The following EYA3 variants were observed in gnomAD, a reference collection of about 807,000 sequenced individuals.
EYA3 encodes protein phosphatase EYA3.
EYA3 carries 39 observed loss-of-function variants against 80.0 expected under a neutral mutation model. The ratio of observed to expected loss-of-function variants is 0.49; its 90% confidence interval spans 0.38 to 0.64. EYA3 has a LOEUF of 0.64. Among genes scored for constraint, EYA3 ranks in the 30% least tolerant of loss-of-function variants. EYA3 has a pLI of 0.00. For missense variants in EYA3, 523 were observed against 676.1 expected (o/e 0.77, Z 2.51); for synonymous variants, 206 against 232.8 (o/e 0.88, Z 1.05).
intron 13 of EYA3, 106 bp from the exon 14 acceptor site, chr1:27,993,666 T>TTTAA (rs1640228849): frequency 1.2e-6 from 1 of 862,908 alleles, no homozygotes; most frequent in East Asian, 2.9e-5. Context: ...GGCCAATGGC[T>TTTAA]TTAAGGATCT....
At chr1:28,043,489 C>T (rs1643892499) in intron 3 of EYA3, among the ~76,000 whole-genome samples, 1 of 152,166 alleles carries the variant, frequency 6.6e-6, no homozygotes, top group African/African-American at 2.4e-5. Flanking sequence ...CGTTTGATTT[C>T]AGACAGTGGT....
chr1:28,063,558 G>A (rs532351137), intron 1 of EYA3, among the ~76,000 whole-genome samples: 1 of 151,932 alleles, frequency 6.6e-6, no homozygotes, highest in African/African-American at 2.4e-5. Flanking sequence ...ATGTTGGCCA[G>A]GATGGTCCCA....
At chr1:28,019,292 C>T (rs1642272484) in intron 7 of EYA3, among the ~76,000 whole-genome samples, 1 of 152,188 alleles carries the variant, frequency 6.6e-6, no homozygotes, top group Non-Finnish European at 1.5e-5. Flanking sequence ...GCTTACTTTC[C>T]TAAACATAAC....
rs28755400 is a variant in EYA3, at chr1:28,008,364, A to T, written c.909+2583T>A. 7.9e-3 allele frequency among the ~76,000 whole-genome samples: 1,205 copies of T among 152,220 alleles called. 15 individuals carry two copies. Among genetic ancestry groups the T allele is most frequent in the African/African-American group, 0.027 (1,114 of 41,554 alleles). The stretch of plus-strand genomic sequence containing the variant: ...GAAAAAATACATAAAAATCTTCATA[A>T]CCGTGTATTAAGTATTACACCAAGA... On this transcript the variant is annotated intron_variant, in intron 10 of 17. Transcript: ENST00000373871.
rs1198815384 is a variant in EYA3 at position 28,008,384 on chromosome 1, C to T, written c.909+2563G>A. Among the ~76,000 whole-genome samples, 5 of 151,362 alleles carry T rather than the reference C, an allele frequency of 3.3e-5. No homozygotes were observed. In the East Asian group the frequency reaches 9.7e-4, roughly 29 times the overall value. On this transcript the variant is annotated intron_variant, in intron 10 of 17. Coordinates refer to ENST00000373871, the MANE Select transcript of EYA3 (RefSeq NM_001990.4). ...TCATAACCGTGTATTAAGTATTACACCAAGAAAACAAAACAAAACAAAAAG... is the reference window on the plus strand; with the variant it reads ...TCATAACCGTGTATTAAGTATTACATCAAGAAAACAAAACAAAACAAAAAG...
At chr1:28,010,397 T>C (rs957719896) in intron 10 of EYA3, among the ~76,000 whole-genome samples, 1 of 152,170 alleles carries the variant, frequency 6.6e-6, no homozygotes, top group African/African-American at 2.4e-5. Flanking sequence ...CTTTTAAATT[T>C]CTTTTCTTTT....
chr1:28,034,232 C>G (rs1184353062), intron 6 of EYA3, among the ~76,000 whole-genome samples: 1 of 151,716 alleles, frequency 6.6e-6, no homozygotes, highest in Non-Finnish European at 1.5e-5. Context: ...TATTGAACAG[C>G]AGGAATGATC....
In EYA3 at chr1:28,047,480, G is replaced by T. The variant is rs762162037; in HGVS notation, c.77+903C>A. On this transcript the variant is annotated intron_variant, in intron 3 of 17. Coordinates refer to ENST00000373871, the MANE Select transcript of EYA3 (RefSeq NM_001990.4). ...TGAGCCGGGATGATAGTGTGTGGAGGTAAAAGTGTAGGATTCTTGAAATTA... is the reference window on the plus strand; with the variant it reads ...TGAGCCGGGATGATAGTGTGTGGAGTTAAAAGTGTAGGATTCTTGAAATTA... Among the ~76,000 whole-genome samples, 118 of 152,192 alleles carry T rather than the reference G, an allele frequency of 7.8e-4. 2 individuals carry two copies. The highest frequency in any genetic ancestry group is 3.8e-4 in the Non-Finnish European group (26 of 68,008).
At chr1:27,989,601 C>T in intron 15 of EYA3, 96 bp downstream of exon 15, 1 of 725,338 alleles carries the variant, frequency 1.4e-6, no homozygotes, top group Non-Finnish European at 2.3e-6. Context: ...CTCTCTACCC[C>T]TATCCCAAAC....
At chr1:28,026,006 G>A (rs1642763730) in intron 7 of EYA3, among the ~76,000 whole-genome samples, 1 of 152,096 alleles carries the variant, frequency 6.6e-6, no homozygotes, top group South Asian at 2.1e-4. Context: ...TGATCCGCCT[G>A]CCTCGGCCTC....
At chr1:28,045,015 G>A (rs765171455) in intron 3 of EYA3, among the ~76,000 whole-genome samples, 4 of 152,044 alleles carry the variant, frequency 2.6e-5, no homozygotes, top group African/African-American at 2.4e-5. Context: ...CAAGCAATCC[G>A]TCCACCTCAG....
chr1:28,049,371 T>C (rs956425279), intron 2 of EYA3, among the ~76,000 whole-genome samples: 7 of 152,240 alleles, frequency 4.6e-5, no homozygotes, highest in Non-Finnish European at 1.0e-4. Flanking sequence ...TTAATTTTCA[T>C]AGTTACCAAA....
chr1:27,997,186 T>C (rs1418781585), intron 13 of EYA3, 134 bp downstream of exon 13: 1 of 781,292 alleles, frequency 1.3e-6, no homozygotes, highest in Non-Finnish European at 2.2e-6. Flanking sequence ...ACTATGTTTG[T>C]TTCTATGTCC....
At chr1:28,023,319 A>C (rs1254489877) in intron 7 of EYA3, among the ~76,000 whole-genome samples, 1 of 152,220 alleles carries the variant, frequency 6.6e-6, no homozygotes, top group Non-Finnish European at 1.5e-5. Flanking sequence ...TTATGTAGAT[A>C]TTCTACCCTA....
intron 7 of EYA3, among the ~76,000 whole-genome samples, chr1:28,021,252 CT>C (rs1355181158): frequency 6.6e-6 from 1 of 152,172 alleles, no homozygotes; most frequent in East Asian, 1.9e-4. Context: ...TTCTCTCTGC[CT>C]AGACTGTTCT....
intron 1 of EYA3, among the ~76,000 whole-genome samples, chr1:28,071,056 G>A (rs777540948): frequency 2.0e-5 from 3 of 152,104 alleles, no homozygotes; most frequent in African/African-American, 4.8e-5. Context: ...AGGAGTAGCC[G>A]GGATTACAGG....
chr1:27,996,683 C>T (rs966081996), intron 13 of EYA3, among the ~76,000 whole-genome samples: 3 of 152,256 alleles, frequency 2.0e-5, no homozygotes, highest in Admixed American at 6.5e-5. Context: ...CTGGGAAGAA[C>T]ATTTTACTTA....
intron 7 of EYA3, among the ~76,000 whole-genome samples, chr1:28,021,406 A>C (rs1458217916): frequency 6.6e-6 from 1 of 152,014 alleles, no homozygotes; most frequent in Non-Finnish European, 1.5e-5. Flanking sequence ...GCACTGTTCA[A>C]AATCTGTTAT....
At chr1:28,030,414 C>T (rs1007342682) in intron 6 of EYA3, among the ~76,000 whole-genome samples, 4 of 152,014 alleles carry the variant, frequency 2.6e-5, no homozygotes, top group Non-Finnish European at 4.4e-5. Flanking sequence ...TGCCTCAAAC[C>T]CCCGAATAGC....
Sources: gnomAD v4.1 joint callset for allele counts (sites outside exome capture counted in the v4.1 genomes callset) on GRCh38, gnomAD v4.1.1 for gene constraint, MANE v1.5 for transcripts, NCBI Gene and HGNC (gene_info 2026-07-23, HGNC 2026-07-21) for gene names.